The following PLEKHG4 variants were observed in gnomAD, a reference collection of about 807,000 sequenced individuals.
PLEKHG4 encodes pleckstrin homology and RhoGEF domain containing G4, also known as puratrophin-1.
In PLEKHG4, 85 loss-of-function variants were observed where a neutral mutation model predicts 136.9. The observed-to-expected ratio is 0.62, with a 90% confidence interval of 0.52 to 0.74. PLEKHG4 has a LOEUF of 0.74. Ranked by LOEUF, PLEKHG4 falls within the 30% of genes least tolerant of loss-of-function variation. The pLI is 0.00. For missense variants in PLEKHG4, 1,317 were observed against 1,527.8 expected (o/e 0.86, Z 2.30); for synonymous variants, 577 against 646.9 (o/e 0.89, Z 1.64).
Position 67,289,122 on chromosome 16 carries a change from T to C in PLEKHG4, c.*314T>C. On this transcript the variant is annotated 3_prime_UTR_variant, in exon 22 of 22. Coordinates refer to ENST00000379344, the MANE Select transcript of PLEKHG4 (RefSeq NM_001129729.3). ...TGGGTGTTTCCATGCTGTAGGCTGGTGGGGGACCATGTGCCTCTAGGCAGT... is the reference window on the plus strand; with the variant it reads ...TGGGTGTTTCCATGCTGTAGGCTGGCGGGGGACCATGTGCCTCTAGGCAGT... 2 of 515,172 alleles carry C rather than the reference T, an allele frequency of 3.9e-6. No homozygotes were observed. The highest frequency in any genetic ancestry group is 4.1e-5 in the South Asian group (2 of 49,148). The allele number at this position is 515,172 out of a possible 1,614,324, so 31.9% of individuals were successfully genotyped here. A position where few individuals can be genotyped will look rare whatever the true frequency, so the allele number is the denominator to read the frequency against.
At chr16:67,281,227 T>C (rs1300726382) in intron 5 of PLEKHG4, 43 bp downstream of exon 5, 3 of 1,142,018 alleles carry the variant, frequency 2.6e-6, no homozygotes, top group Non-Finnish European at 3.7e-6. Flanking sequence ...TTTCTTTTCT[T>C]TTTTTTTTTT....
At position 67,282,510 on chromosome 16, in the gene PLEKHG4, A is replaced by G. The variant is rs2036281642; in HGVS notation, c.1261A>G (p.Met421Val). 2 of 1,614,114 alleles carry G rather than the reference A, an allele frequency of 1.2e-6. No homozygotes were observed. The highest frequency in any genetic ancestry group is 1.7e-6 in the Non-Finnish European group (2 of 1,180,038). The change falls in exon 10 of 22, where the codon ATG becomes GTG. Residue 421 changes from methionine (M) to valine (V), a missense_variant. Physicochemically the swap from Met to Val is conservative, Grantham distance 21. Transcript: ENST00000379344. ...TGGTATACCCTACACCAGGACGGCA[A>G]TGGACAAGGCTGACGAGCTATATGA... ...VTLSPDYRTA[M>V]DKADELYDRV...
chr16:67,288,151 C>T lies in PLEKHG4; in HGVS notation c.3221-16C>T, dbSNP rs2036568974. The stretch of plus-strand genomic sequence containing the variant: ...AGGCTCTGGCCTGTCCCAACCTGAC[C>T]CTCTCTCTTATGCAGAAGTTCGCTC... On this transcript the variant is annotated splice_polypyrimidine_tract_variant and intron_variant, in intron 19 of 21. Coordinates refer to ENST00000379344, the MANE Select transcript of PLEKHG4 (RefSeq NM_001129729.3). The T allele has an allele frequency of 3.1e-6, 5 of 1,609,450 alleles. No homozygotes were observed. The East Asian group carries it at 8.9e-5, about 29-fold the overall frequency.
Position 67,287,988 on chromosome 16 carries a change from C to G in PLEKHG4, c.3194C>G (p.Thr1065Ser). 1 of 1,613,458 alleles carries G rather than the reference C, an allele frequency of 6.2e-7. No individual in the cohort carries two copies. Reference protein sequence around the residue: ...APSEEAINDRTVNYVLKCREV... With the variant: ...APSEEAINDRSVNYVLKCREV... The stretch of plus-strand genomic sequence containing the variant: ...AGCGAGGAAGCCATCAACGACCGCA[C>G]CGTCAACTATGTCCTGAAGTGCCGA... Residue 1065 changes from threonine (T) to serine (S), a missense_variant, in exon 19 of 22, where the codon ACC (threonine) becomes AGC (serine). Thr to Ser is a moderately conservative substitution (Grantham distance 58). Transcript: ENST00000379344.
intron 18 of PLEKHG4, 156 bp from the exon 19 acceptor site, chr16:67,287,742 T>C (rs1165116506): frequency 3.6e-5 from 25 of 702,604 alleles, no homozygotes; most frequent in South Asian, 2.7e-4. Flanking sequence ...CACAGGATTG[T>C]TGGGAGGAGA....
upstream of PLEKHG4, chr16:67,278,781 C>G (rs887382290): frequency 2.6e-5 from 4 of 152,060 alleles, no homozygotes; most frequent in Non-Finnish European, 5.9e-5. Flanking sequence ...TCCTGGAGCG[C>G]CCCCAGCAGG....
Position 67,289,252 on chromosome 16 carries a change from C to CG in PLEKHG4, c.*444_*445insG. The CG allele has an allele frequency of 2.3e-6, 1 of 434,578 alleles. No homozygotes were observed. The highest frequency in any genetic ancestry group is 4.2e-6 in the Non-Finnish European group (1 of 240,304). 26.9% of individuals were successfully genotyped at this position (434,578 alleles called of 1,614,324 possible). A position where few individuals can be genotyped will look rare whatever the true frequency, so the allele number is the denominator to read the frequency against. ...AGCTCAGTTACCATAGGGACAGGTC[C>CG]ACCTCTACTGGGCCCTCATGCTTGC... On this transcript the variant is annotated 3_prime_UTR_variant, in exon 22 of 22. Transcript: ENST00000379344.
In PLEKHG4 at chr16:67,286,885, G is replaced by A; in HGVS notation, c.2891G>A (p.Gly964Glu). The A allele has an allele frequency of 1.2e-6, 2 of 1,614,030 alleles. No individual in the cohort carries two copies. Among genetic ancestry groups the A allele is most frequent in the Non-Finnish European group, 1.7e-6 (2 of 1,180,020 alleles). Residue 964 changes from glycine to glutamate, a missense_variant, in exon 17 of 22, where the codon GGG becomes GAG. Transcript: ENST00000379344. Reference protein sequence around the residue: ...LFSKPRHGPTGVDTFAYKRSF... With the variant: ...LFSKPRHGPTEVDTFAYKRSF... ...AGCAAGCCTCGCCATGGGCCCACAGGGGTTGACACATTTGCCTACAAGCGC... is the reference window on the plus strand; with the variant it reads ...AGCAAGCCTCGCCATGGGCCCACAGAGGTTGACACATTTGCCTACAAGCGC...
In PLEKHG4 at chr16:67,288,716, G is replaced by C; in HGVS notation, c.3571-87G>C. The C allele has an allele frequency of 1.9e-6, 3 of 1,597,828 alleles. No homozygotes were observed. The Admixed American group carries it at 5.0e-5, about 27-fold the overall frequency. ...TAGGCCTTTACTTTGGGTAGAGCTT[G>C]GGGTGGGTGGGCCAGAGCCATTCCC... On this transcript the variant is annotated intron_variant, in intron 21 of 21. Coordinates refer to ENST00000379344, the MANE Select transcript of PLEKHG4 (RefSeq NM_001129729.3).
At chr16:67,279,105 A>T (rs1354983010), upstream of PLEKHG4, 1 of 152,212 alleles carries the variant, frequency 6.6e-6, no homozygotes, top group African/African-American at 2.4e-5. Context: ...AGCCCCTGGG[A>T]GACCCCGCCC....
chr16:67,286,427 C>T lies in PLEKHG4; in HGVS notation c.2533-18C>T. 6.2e-7 allele frequency: 1 copy of T among 1,610,392 alleles called. No individual in the cohort carries two copies. ...GGAGTGCCCCCAAACCACTCAGTGG[C>T]CTCCCATCCGCCCACAGGACAAGCA... On this transcript the variant is annotated intron_variant, in intron 15 of 21. Transcript: ENST00000379344.
chr16:67,280,879 C>T lies in PLEKHG4; in HGVS notation c.596-3C>T. 1 of 1,613,036 alleles carries T rather than the reference C, an allele frequency of 6.2e-7. No homozygotes were observed. The highest frequency in any genetic ancestry group is 8.5e-7 in the Non-Finnish European group (1 of 1,180,030). ...GCAGGAGTTCACTGCTTCCTCCCCA[C>T]AGGGACTCGGGATGTCCAAGGCCGG... is the stretch of plus-strand genomic sequence containing the variant. On this transcript the variant is annotated splice_region_variant and splice_polypyrimidine_tract_variant and intron_variant, in intron 3 of 21. Transcript: ENST00000379344. The surrounding 1 kb of genome is among the most constrained non-coding windows in gnomAD (Gnocchi z 4.4).
rs752568542 is a variant in PLEKHG4, at chr16:67,284,369, G to A, written c.1604G>A (p.Arg535Gln). 1.9e-6 allele frequency: 3 copies of A among 1,614,062 alleles called. No individual in the cohort carries two copies. The highest frequency in any genetic ancestry group is 2.5e-6 in the Non-Finnish European group (3 of 1,179,992). Residue 535 changes from arginine (R) to glutamine (Q), a missense_variant, in exon 12 of 22, where the codon CGA (arginine) becomes CAA (glutamine). By Grantham distance (43) the Arg-to-Gln change is conservative. Transcript: ENST00000379344. This position sits in a 1 kb window ranked among gnomAD's most constrained non-coding sequence, Gnocchi z 4.4. ...CCTGGGGCACGCTTTCTGGCCCTGC[G>A]AGCCCAGCTGACTGAATTCTCTAGG... ...DPPGARFLALRAQLTEFSRAL... is the reference protein window; with the variant it reads ...DPPGARFLALQAQLTEFSRAL...
chr16:67,287,757 C>G (rs1204132632), intron 18 of PLEKHG4, 141 bp from the exon 19 acceptor site: 4 of 722,028 alleles, frequency 5.5e-6, no homozygotes, highest in Non-Finnish European at 1.0e-5. Flanking sequence ...AGGAGAGCAC[C>G]TGGCACTAGA....
At chr16:67,283,871 G>C (rs1261424578) in intron 11 of PLEKHG4, among the ~76,000 whole-genome samples, 1 of 152,028 alleles carries the variant, frequency 6.6e-6, no homozygotes, top group Non-Finnish European at 1.5e-5. Flanking sequence ...GATCCCCAGT[G>C]TTTAATGGCC....
Position 67,288,499 on chromosome 16 carries a change from C to T in PLEKHG4, c.3465C>T (p.Asp1155=), listed in dbSNP as rs1294983962. The change falls in exon 21 of 22, where the codon GAC becomes GAT. Residue 1155 remains aspartate, a synonymous_variant. Transcript: ENST00000379344. The part of the protein sequence containing the change: ...LGGQPSLTAE[D]SEISSQCPSA... The stretch of plus-strand genomic sequence containing the variant: ...AGTCTCCCTCCCTAGCTGCTGAGGA[C>T]TCAGAGATCTCGTCCCAATGCCCAT... 1 of 1,614,190 alleles carries T rather than the reference C, an allele frequency of 6.2e-7. No homozygotes were observed. Among genetic ancestry groups the T allele is most frequent in the Non-Finnish European group, 8.5e-7 (1 of 1,179,984 alleles).
intron 5 of PLEKHG4, 60 bp from the exon 6 acceptor site, chr16:67,281,507 T>C: frequency 6.9e-7 from 1 of 1,441,252 alleles, no homozygotes; most frequent in Admixed American, 1.7e-5. Context: ...ATTACAGGCG[T>C]GAGCCACCAT....
At chr16:67,287,508 TC>T in intron 18 of PLEKHG4, 1 of 496,730 alleles carries the variant, frequency 2.0e-6, no homozygotes, top group Non-Finnish European at 3.7e-6. Context: ...CAAGCATTCT[TC>T]CCACCTAAGC....
chr16:67,282,493 C>G lies in PLEKHG4; in HGVS notation c.1254-10C>G, dbSNP rs1014112495. 1.9e-6 allele frequency: 3 copies of G among 1,613,764 alleles called. No individual in the cohort carries two copies. The highest frequency in any genetic ancestry group is 2.5e-6 in the Non-Finnish European group (3 of 1,180,026). On this transcript the variant is annotated splice_polypyrimidine_tract_variant and intron_variant, in intron 9 of 21. Transcript: ENST00000379344. ...AGGCAGGGGGTCTAAGATGGTATAC[C>G]CTACACCAGGACGGCAATGGACAAG... is the stretch of plus-strand genomic sequence containing the variant.
Sources: gnomAD v4.1 joint callset for allele counts (sites outside exome capture counted in the v4.1 genomes callset) on GRCh38, gnomAD v4.1.1 for gene constraint, Gnocchi (gnomAD v3.1) non-coding constraint, MANE v1.5 for transcripts, NCBI Gene and HGNC (gene_info 2026-07-23, HGNC 2026-07-21) for gene names.